Variants in ATP10D observed in about 807,000 individuals in gnomAD.
The protein encoded by ATP10D is ATPase phospholipid transporting 10D (putative), also known as phospholipid-transporting ATPase VD.
Under a neutral mutation model 144.8 loss-of-function variants are expected in ATP10D, and 89 were observed. The ratio of observed to expected loss-of-function variants is 0.61; its 90% CI spans 0.52 to 0.73. The LOEUF is 0.73. Among genes scored for constraint, ATP10D ranks in the 30% least tolerant of loss-of-function variants. The probability of loss-of-function intolerance (pLI) is 0.00; values close to 1 mark genes in which losing one functional copy is unlikely to be tolerated. For missense variants in ATP10D, 1,603 were observed against 1,714.8 expected (o/e 0.93, Z 1.15); for synonymous variants, 571 against 615.1 (o/e 0.93, Z 1.06).
chr4:47,490,719 A>C (rs76713140), intron 1 of ATP10D, among the ~76,000 whole-genome samples: 3,679 of 152,342 alleles, frequency 0.024, 67 homozygotes, highest in South Asian at 0.09. Flanking sequence ...AGTGTGGCTC[A>C]TGCCAGATTG....
chr4:47,558,313 G>T, intron 12 of ATP10D, 40 bp downstream of exon 12: 2 of 1,585,696 alleles, frequency 1.3e-6, no homozygotes, highest in African/African-American at 1.3e-5. Context: ...GATTTGAAAA[G>T]CTCGGAGATT....
chr4:47,591,399 G>C lies in ATP10D; in HGVS notation c.*18G>C, dbSNP rs931629582. The C allele has an allele frequency of 6.5e-7, 1 of 1,547,516 alleles. No individual in the cohort carries two copies. Among genetic ancestry groups the C allele is most frequent in the Admixed American group, 2.0e-5 (1 of 50,288 alleles). The stretch of plus-strand genomic sequence containing the variant: ...AAAGCTAGATACCCTCCTTGGAGTT[G>C]CAAGTATTCTTTCAAGGTTGGAAGA... On this transcript the variant is annotated 3_prime_UTR_variant, in exon 23 of 23. Coordinates refer to ENST00000273859, the MANE Select transcript of ATP10D (RefSeq NM_020453.4).
intron 2 of ATP10D, among the ~76,000 whole-genome samples, chr4:47,513,849 A>G (rs1294264536): frequency 6.6e-6 from 1 of 152,226 alleles, no homozygotes; most frequent in Non-Finnish European, 1.5e-5. Context: ...GAAAAGACTT[A>G]GAGATGATGG....
intron 9 of ATP10D, among the ~76,000 whole-genome samples, chr4:47,545,750 G>A (rs922261987): frequency 2.6e-5 from 4 of 152,148 alleles, no homozygotes; most frequent in African/African-American, 9.7e-5. Flanking sequence ...CTGACCTTTT[G>A]GAGATTGTAT....
rs1720548843 is a variant in ATP10D, at chr4:47,582,082, C to T, written c.3753+18C>T. ...AGAGTTTGGTGAGTGGTTTTCTTGC[C>T]TCTGAAGTAGCCTAAAATCTTTTAT... On this transcript the variant is annotated intron_variant, in intron 21 of 22. Coordinates refer to ENST00000273859, the MANE Select transcript of ATP10D (RefSeq NM_020453.4). 1 of 1,584,016 alleles carries T rather than the reference C, an allele frequency of 6.3e-7. No individual in the cohort carries two copies. Among genetic ancestry groups the T allele is most frequent in the African/African-American group, 1.3e-5 (1 of 74,176 alleles).
chr4:47,541,680 G>A (rs948966326), intron 9 of ATP10D, among the ~76,000 whole-genome samples: 3 of 152,076 alleles, frequency 2.0e-5, no homozygotes, highest in East Asian at 1.9e-4. Context: ...CCTTTGTTTC[G>A]GGCCCTTTGG....
intron 5 of ATP10D, among the ~76,000 whole-genome samples, chr4:47,533,891 T>C (rs972306565): frequency 2.0e-5 from 3 of 152,306 alleles, no homozygotes; most frequent in Non-Finnish European, 2.9e-5. Context: ...TATATACTTA[T>C]AGCAGATAAG....
intron 21 of ATP10D, among the ~76,000 whole-genome samples, chr4:47,582,620 T>C (rs1720577585): frequency 6.6e-6 from 1 of 152,194 alleles, no homozygotes; most frequent in African/African-American, 2.4e-5. Flanking sequence ...TTCAGTTTCT[T>C]CAGTACATTG....
At chr4:47,510,334 G>C (rs1460450982) in intron 1 of ATP10D, among the ~76,000 whole-genome samples, 1 of 151,970 alleles carries the variant, frequency 6.6e-6, no homozygotes, top group Admixed American at 6.6e-5. Flanking sequence ...CTCTAGAAGG[G>C]GGCCATGGAG....
chr4:47,553,616 T>G (rs1290170404), intron 10 of ATP10D, among the ~76,000 whole-genome samples: 1 of 152,182 alleles, frequency 6.6e-6, no homozygotes, highest in African/African-American at 2.4e-5. Context: ...AAGTGTTATT[T>G]TTACCATTAG....
chr4:47,586,705 A>C (rs1720807667), intron 21 of ATP10D, among the ~76,000 whole-genome samples: 1 of 152,162 alleles, frequency 6.6e-6, no homozygotes, highest in African/African-American at 2.4e-5. Context: ...CAGACCAATG[A>C]GTGACTACAT....
intron 15 of ATP10D, among the ~76,000 whole-genome samples, chr4:47,568,077 T>C (rs769324164): frequency 6.6e-6 from 1 of 152,234 alleles, no homozygotes; most frequent in African/African-American, 2.4e-5. Context: ...GTACCTGATG[T>C]GATCCTCTTT....
chr4:47,514,446 A>G (rs1459621272), intron 2 of ATP10D, among the ~76,000 whole-genome samples: 1 of 152,190 alleles, frequency 6.6e-6, no homozygotes, highest in Non-Finnish European at 1.5e-5. Context: ...TCAGAGTAAA[A>G]AGATTTGGAG....
At chr4:47,490,930 C>CT (rs550117350) in intron 1 of ATP10D, 18,881 of 390,706 alleles carry the variant, frequency 0.048, 1 homozygote, top group South Asian at 0.07. Flanking sequence ...GCAAATACAT[C>CT]TTTTTTTTTT....
At chr4:47,530,694 G>A (rs1717521981) in intron 5 of ATP10D, among the ~76,000 whole-genome samples, 2 of 152,156 alleles carry the variant, frequency 1.3e-5, no homozygotes, top group Non-Finnish European at 2.9e-5. Context: ...GGCCTCAGGT[G>A]ATCTGCCTGC....
At position 47,557,699 on chromosome 4, in the gene ATP10D, G is replaced by A; in HGVS notation, c.1860G>A (p.Lys620=). Residue 620 remains lysine (K), a synonymous_variant, in exon 12 of 23, where the codon AAG becomes AAA. Coordinates refer to ENST00000273859, the MANE Select transcript of ATP10D (RefSeq NM_020453.4). ...CTTCACTGGGGGGGTTGCCCATTAA[G>A]TCTTTGGAAGAGATTAAAAGTCTTT... The part of the protein sequence containing the change: ...RHPSLGGLPI[K]SLEEIKSLFQ... 6.2e-7 allele frequency: 1 copy of A among 1,613,196 alleles called. No homozygotes were observed. The highest frequency in any genetic ancestry group is 1.1e-5 in the South Asian group (1 of 91,064).
intron 1 of ATP10D, among the ~76,000 whole-genome samples, chr4:47,511,060 T>C (rs1716300021): frequency 6.6e-6 from 1 of 152,222 alleles, no homozygotes; most frequent in Non-Finnish European, 1.5e-5. Context: ...AGATATGTTA[T>C]GAACTACATT....
chr4:47,573,951 G>A (rs1354368741), intron 18 of ATP10D, among the ~76,000 whole-genome samples: 2 of 151,962 alleles, frequency 1.3e-5, no homozygotes, highest in African/African-American at 4.8e-5. Context: ...ATTAGAATTA[G>A]TGCAGTTAGT....
chr4:47,491,366 T>G (rs1028626975), intron 1 of ATP10D: 2 of 745,460 alleles, frequency 2.7e-6, no homozygotes, highest in Non-Finnish European at 4.9e-6. Flanking sequence ...TCTTATAGAT[T>G]CACAGGTATG....
Sources: allele counts gnomAD v4.1 joint callset (sites outside exome capture counted in the v4.1 genomes callset), GRCh38; gene constraint gnomAD v4.1.1; transcripts MANE v1.5; gene names NCBI Gene and HGNC (gene_info 2026-07-23, HGNC 2026-07-21).